The following TBXAS1 variants were observed in gnomAD, a reference collection of about 807,000 sequenced individuals.
TBXAS1 encodes thromboxane A synthase 1, also known as thromboxane-A synthase.
TBXAS1 carries 48 observed loss-of-function variants against 60.7 expected under a neutral mutation model. The observed-to-expected ratio is 0.79, with a 90% CI of 0.63 to 1.01. The LOEUF is 1.01. Ranked by LOEUF, TBXAS1 falls within the 50% of genes least tolerant of loss-of-function variation. TBXAS1 has a pLI of 0.00. For missense variants in TBXAS1, 685 were observed against 686.3 expected (o/e 1.00, Z 0.02); for synonymous variants, 287 against 269.7 (o/e 1.06, Z -0.63).
chr7:139,983,551 C>T (rs1347362625), intron 9 of TBXAS1, among the ~76,000 whole-genome samples: 1 of 152,118 alleles, frequency 6.6e-6, no homozygotes, highest in African/African-American at 2.4e-5. Context: ...AGCTGAGATG[C>T]CTGCAGATGA....
At chr7:139,924,156 C>A (rs1035042201) in intron 4 of TBXAS1, among the ~76,000 whole-genome samples, 31 of 152,234 alleles carry the variant, frequency 2.0e-4, no homozygotes, top group African/African-American at 7.2e-4. Context: ...GGGGTATATA[C>A]CTAGCAGTGG....
intron 3 of TBXAS1, among the ~76,000 whole-genome samples, chr7:139,899,399 C>T (rs1256485264): frequency 6.6e-6 from 1 of 152,186 alleles, no homozygotes; most frequent in African/African-American, 2.4e-5. Context: ...AGGCTAATCC[C>T]AACAGTCTAT....
At chr7:139,929,166 T>C (rs1013705718) in intron 4 of TBXAS1, among the ~76,000 whole-genome samples, 4 of 152,160 alleles carry the variant, frequency 2.6e-5, no homozygotes, top group Non-Finnish European at 4.4e-5. Flanking sequence ...GCAAAAGAAA[T>C]AGCACTCAAA....
intron 11 of TBXAS1, chr7:140,016,539 C>T: frequency 5.3e-6 from 1 of 189,138 alleles, no homozygotes; most frequent in South Asian, 8.4e-5. Context: ...AACGGAACAT[C>T]ATTTCCTTTT....
chr7:139,911,109 C>A (rs1805482467), intron 3 of TBXAS1, 116 bp from the exon 4 acceptor site: 1 of 874,090 alleles, frequency 1.1e-6, no homozygotes, highest in Non-Finnish European at 2.0e-6. Context: ...TCATCGTCTC[C>A]ATACCTTTAC....
At chr7:139,963,895 T>A (rs1295092744) in intron 9 of TBXAS1, among the ~76,000 whole-genome samples, 1 of 152,194 alleles carries the variant, frequency 6.6e-6, no homozygotes, top group South Asian at 2.1e-4. Context: ...AGTTCTTGGC[T>A]GTGCTCTCTT....
intron 3 of TBXAS1, among the ~76,000 whole-genome samples, chr7:139,876,309 G>A (rs1802231854): frequency 6.6e-6 from 1 of 152,146 alleles, no homozygotes; most frequent in Non-Finnish European, 1.5e-5. Flanking sequence ...ATTCTGGTGA[G>A]CAAACCCACG....
At chr7:139,877,403 G>GTT (rs1280106649) in intron 3 of TBXAS1, among the ~76,000 whole-genome samples, 3 of 151,988 alleles carry the variant, frequency 2.0e-5, no homozygotes, top group Admixed American at 6.6e-5. Context: ...ATTGCTTTTT[G>GTT]TTTTTGTTTT....
rs554433438 is a variant in TBXAS1 at position 139,857,272 on chromosome 7, T to C, written c.90-14963T>C. ...GGACCAGATACAAGAGGCTGCTTTT[T>C]ACATTTTAAAATATATAATCATATA... is the stretch of plus-strand genomic sequence containing the variant. On this transcript the variant is annotated intron_variant, in intron 1 of 12. Transcript: ENST00000448866. Among the ~76,000 whole-genome samples, 7 of 152,344 alleles carry C rather than the reference T, an allele frequency of 4.6e-5. No individual in the cohort carries two copies. The East Asian group carries it at 7.7e-4, about 17-fold the overall frequency.
At chr7:139,866,126 T>C (rs572618217) in intron 1 of TBXAS1, among the ~76,000 whole-genome samples, 43 of 152,242 alleles carry the variant, frequency 2.8e-4, no homozygotes, top group African/African-American at 9.9e-4. Flanking sequence ...ATACCAACGG[T>C]AGGACTAGCT....
intron 9 of TBXAS1, among the ~76,000 whole-genome samples, chr7:139,965,327 G>C (rs898110259): frequency 6.6e-6 from 1 of 152,208 alleles, no homozygotes; most frequent in African/African-American, 2.4e-5. Flanking sequence ...TTTGAGTTTA[G>C]TGTGCATAAA....
At chr7:139,905,005 C>CTTTTTT (rs1285874660) in intron 3 of TBXAS1, among the ~76,000 whole-genome samples, 11 of 90,482 alleles carry the variant, frequency 1.2e-4, no homozygotes, top group African/African-American at 4.5e-4. Flanking sequence ...CTCTCTTTCT[C>CTTTTTT]TCTTTCTTTC....
chr7:139,982,354 G>T (rs534908229), intron 9 of TBXAS1, among the ~76,000 whole-genome samples: 1 of 152,300 alleles, frequency 6.6e-6, no homozygotes, highest in Non-Finnish European at 1.5e-5. Context: ...GGCACTTACT[G>T]CTGGGACCTT....
chr7:139,791,735 G>A (rs559389883), intron 4 of TBXAS1, among the ~76,000 whole-genome samples: 5 of 151,952 alleles, frequency 3.3e-5, no homozygotes, highest in South Asian at 2.1e-4. Context: ...CTATTACCAC[G>A]GATTTGGGTA....
chr7:139,995,058 A>G (rs951603627), intron 9 of TBXAS1, among the ~76,000 whole-genome samples: 1 of 152,100 alleles, frequency 6.6e-6, no homozygotes, highest in Non-Finnish European at 1.5e-5. Flanking sequence ...CAGATGAGAC[A>G]TTTTTATAAA....
Position 140,017,662 on chromosome 7 carries a change from G to A in TBXAS1, c.1365-9G>A. On this transcript the variant is annotated splice_polypyrimidine_tract_variant and intron_variant, in intron 11 of 12. Transcript: ENST00000448866. ...GTTCTGGGCCAGCCCTGACCACACGGACCTGCAGGTTCACGGCTGAGGCCC... is the reference window on the plus strand; with the variant it reads ...GTTCTGGGCCAGCCCTGACCACACGAACCTGCAGGTTCACGGCTGAGGCCC... The A allele has an allele frequency of 6.2e-7, 1 of 1,612,542 alleles. No homozygotes were observed. Among genetic ancestry groups the A allele is most frequent in the South Asian group, 1.1e-5 (1 of 90,974 alleles).
Position 140,020,264 on chromosome 7 carries a change from G to A in TBXAS1, c.*165G>A, listed in dbSNP as rs13306051. The stretch of plus-strand genomic sequence containing the variant: ...AACATTTCCTAAATGCTTAATAAAC[G>A]TTTGTTGCACTTGGTTTTGACATTG... On this transcript the variant is annotated 3_prime_UTR_variant, in exon 13 of 13. Coordinates refer to ENST00000448866, the MANE Select transcript of TBXAS1 (RefSeq NM_001061.7). 294 of 752,334 alleles carry A rather than the reference G, an allele frequency of 3.9e-4. 1 individual carries two copies. Among genetic ancestry groups the A allele is most frequent in the East Asian group, 3.2e-3 (118 of 37,438 alleles). The allele number at this position is 752,334 out of a possible 1,614,324, so 46.6% of individuals were successfully genotyped here. A position where few individuals can be genotyped will look rare whatever the true frequency, so the allele number is the denominator to read the frequency against.
chr7:139,900,198 C>T (rs1028683160), intron 3 of TBXAS1, among the ~76,000 whole-genome samples: 2 of 152,170 alleles, frequency 1.3e-5, no homozygotes, highest in African/African-American at 4.8e-5. Flanking sequence ...TCAAACACCC[C>T]ATACTTTAAT....
chr7:139,811,740 CA>C (rs1384030486), intron 4 of TBXAS1, among the ~76,000 whole-genome samples: 5 of 152,148 alleles, frequency 3.3e-5, no homozygotes, highest in Non-Finnish European at 7.4e-5. Flanking sequence ...TCTGAACATT[CA>C]AAGCTGGATT....
Sources: gnomAD v4.1 joint callset for allele counts (sites outside exome capture counted in the v4.1 genomes callset) on GRCh38, gnomAD v4.1.1 for gene constraint, MANE v1.5 for transcripts, NCBI Gene and HGNC (gene_info 2026-07-23, HGNC 2026-07-21) for gene names.